The following TET2 variants were observed in gnomAD, a reference collection of about 807,000 sequenced individuals.
TET2 encodes the protein methylcytosine dioxygenase TET2.
A neutral mutation model predicts 142.9 loss-of-function variants in TET2; 299 were observed. The observed-to-expected ratio is 2.09, with a 90% CI of 1.90 to 2.30. The LOEUF is 2.30. TET2 is among the 30% of genes most tolerant of loss of function. The pLI, the probability that TET2 is intolerant of heterozygous loss-of-function variation, is 0.00. For synonymous variants in TET2, 819 were observed against 849.0 expected (o/e 0.96, Z 0.61); for missense variants, 2,418 against 2,378.0 (o/e 1.02, Z -0.35).
At chr4:105,259,533 A>G in intron 6 of TET2, 86 bp from the exon 7 acceptor site, 1 of 1,320,980 alleles carries the variant, frequency 7.6e-7, no homozygotes, top group South Asian at 1.7e-5. Flanking sequence ...TTTCAAACTC[A>G]TTTTGCATAT....
intron 2 of TET2, among the ~76,000 whole-genome samples, chr4:105,209,039 T>TCAAGG (rs1726988667): frequency 9.1e-6 from 1 of 110,432 alleles, no homozygotes; most frequent in Non-Finnish European, 1.9e-5. Context: ...AATAGATGCC[T>TCAAGG]CAAGGCATGG....
chr4:105,273,695 T>G (rs1731069819), intron 10 of TET2, among the ~76,000 whole-genome samples: 1 of 152,306 alleles, frequency 6.6e-6, no homozygotes, highest in East Asian at 1.9e-4. Flanking sequence ...TAAGTAAGTT[T>G]GAAAATATGA....
chr4:105,205,208 T>C (rs1386569972), intron 2 of TET2, among the ~76,000 whole-genome samples: 1 of 152,208 alleles, frequency 6.6e-6, no homozygotes, highest in Non-Finnish European at 1.5e-5. Flanking sequence ...TCTCAACTTA[T>C]TCTCCACTTG....
At position 105,259,697 on chromosome 4, in the gene TET2, C is replaced by G. The variant is rs1273791191; in HGVS notation, c.3882C>G (p.Tyr1294Ter). ...CTTTTGGTTGTTCATGGAGCATGTA[C>G]TACAATGGATGTAAGTTTGCCAGAA... is the stretch of plus-strand genomic sequence containing the variant. ...SFSFGCSWSM[Y>*]YNGCKFARSK... is the part of the protein sequence containing the mutation. Residue 1294 changes from tyrosine (Y) to a stop codon, truncating the protein, a stop_gained, in exon 7 of 11, where the codon TAC becomes TAG. Transcript: ENST00000380013. LOFTEE classifies it high-confidence loss of function. 2 of 1,551,186 alleles carry G rather than the reference C, an allele frequency of 1.3e-6. No homozygotes were observed. Among genetic ancestry groups the G allele is most frequent in the Non-Finnish European group, 1.7e-6 (2 of 1,146,636 alleles).
chr4:105,248,905 ATGTATT>A (rs1729718038), intron 6 of TET2, among the ~76,000 whole-genome samples: 1 of 151,430 alleles, frequency 6.6e-6, no homozygotes, highest in Non-Finnish European at 1.5e-5. Context: ...TAGTGAAATC[ATGTATT>A]TGGCCTTTCT....
At chr4:105,226,550 C>T (rs150833617) in intron 2 of TET2, among the ~76,000 whole-genome samples, 23 of 152,016 alleles carry the variant, frequency 1.5e-4, no homozygotes, top group Non-Finnish European at 2.5e-4. Flanking sequence ...ATAGTGAGTT[C>T]TCAAGAGATC....
chr4:105,210,324 C>T (rs952645026), intron 2 of TET2, among the ~76,000 whole-genome samples: 3 of 152,130 alleles, frequency 2.0e-5, no homozygotes, highest in African/African-American at 4.8e-5. Flanking sequence ...TCTTGGGTCA[C>T]CTTGTTGACT....
chr4:105,243,763 G>T lies in TET2; in HGVS notation c.3788G>T (p.Cys1263Phe), dbSNP rs1360210418. Residue 1263 changes from cysteine (C) to phenylalanine (F), a missense_variant, in exon 6 of 11, where the codon TGT (cysteine) becomes TTT (phenylalanine). Coordinates refer to ENST00000380013, the MANE Select transcript of TET2 (RefSeq NM_001127208.3). ...RKYGTLTNRRCALNEERTCAC... is the reference protein window; with the variant it reads ...RKYGTLTNRRFALNEERTCAC... ...TACGGCACGCTCACCAATCGCCGGT[G>T]TGCCTTGAATGAAGAGTAAGTGAAG... The T allele has an allele frequency of 6.4e-7, 1 of 1,551,338 alleles. No individual in the cohort carries two copies. The highest frequency in any genetic ancestry group is 8.7e-7 in the Non-Finnish European group (1 of 1,146,876).
At chr4:105,167,513 ATATG>A (rs1724223910) in intron 1 of TET2, among the ~76,000 whole-genome samples, 1 of 152,158 alleles carries the variant, frequency 6.6e-6, no homozygotes, top group Non-Finnish European at 1.5e-5. Flanking sequence ...CAAAGAAAAA[ATATG>A]TATATAATAG....
chr4:105,227,898 T>A (rs1432541722), intron 2 of TET2, among the ~76,000 whole-genome samples: 5 of 152,192 alleles, frequency 3.3e-5, no homozygotes, highest in African/African-American at 1.2e-4. Flanking sequence ...AAGATTTTTT[T>A]ATCTTACGCA....
At chr4:105,267,582 C>G (rs1344771800) in intron 8 of TET2, among the ~76,000 whole-genome samples, 1 of 131,614 alleles carries the variant, frequency 7.6e-6, no homozygotes, top group Non-Finnish European at 1.7e-5. Flanking sequence ...CCAGTAAAGA[C>G]AGAAAAATGA....
intron 2 of TET2, among the ~76,000 whole-genome samples, chr4:105,213,429 G>A (rs981714019): frequency 2.0e-5 from 3 of 152,210 alleles, no homozygotes; most frequent in African/African-American, 4.8e-5. Flanking sequence ...TTCAAAGCTT[G>A]TAATGATCGT....
chr4:105,172,729 G>C (rs1724545966), intron 1 of TET2, among the ~76,000 whole-genome samples: 1 of 152,150 alleles, frequency 6.6e-6, no homozygotes, highest in Non-Finnish European at 1.5e-5. Context: ...AAGGTTTCTT[G>C]CAGATTGTTT....
intron 6 of TET2, among the ~76,000 whole-genome samples, chr4:105,257,654 G>A (rs1026458004): frequency 6.6e-6 from 1 of 152,114 alleles, no homozygotes; most frequent in African/African-American, 2.4e-5. Flanking sequence ...TCTTTTGTGG[G>A]CCCTACAGTT....
Position 105,272,905 on chromosome 4 carries a change from T to C in TET2, c.4524T>C (p.Ala1508=). Residue 1508 remains alanine, a synonymous_variant, in exon 10 of 11, where the codon GCT becomes GCC. Coordinates refer to ENST00000380013, the MANE Select transcript of TET2 (RefSeq NM_001127208.3). The part of the protein sequence containing the change: ...RTKQTENASQ[A]KQLAELLRLS... ...AACAAACTGAAAACGCAAGCCAGGCTAAACAGTTGGCAGGTAAATTTAATG... is the reference window on the plus strand; with the variant it reads ...AACAAACTGAAAACGCAAGCCAGGCCAAACAGTTGGCAGGTAAATTTAATG... 6.5e-7 allele frequency: 1 copy of C among 1,532,158 alleles called. No individual in the cohort carries two copies. The highest frequency in any genetic ancestry group is 2.5e-5 in the East Asian group (1 of 40,748). 94.9% of individuals were successfully genotyped at this position (1,532,158 alleles called of 1,614,324 possible).
chr4:105,234,538 T>TA lies in TET2; in HGVS notation c.597dup (p.Leu200ThrfsTer2). 1 of 1,614,152 alleles carries TA rather than the reference T, an allele frequency of 6.2e-7. No homozygotes were observed. On this transcript the variant is annotated frameshift_variant, in exon 3 of 11. Coordinates refer to ENST00000380013, the MANE Select transcript of TET2 (RefSeq NM_001127208.3). LOFTEE classifies it high-confidence loss of function. ...AATTACCATGACAAGAACATTGTAT[T>TA]ACTTAAAAACAAGGCAGTGCTAATG...
intron 6 of TET2, among the ~76,000 whole-genome samples, chr4:105,245,348 T>A (rs1051600447): frequency 1.3e-5 from 2 of 151,680 alleles, no homozygotes; most frequent in African/African-American, 2.4e-5. Context: ...TTTTTTTTTT[T>A]AAGACAGAGT....
Position 105,235,051 on chromosome 4 carries a change from A to G in TET2, c.1109A>G (p.Tyr370Cys). 1 of 1,614,100 alleles carries G rather than the reference A, an allele frequency of 6.2e-7. No individual in the cohort carries two copies. Among genetic ancestry groups the G allele is most frequent in the Non-Finnish European group, 8.5e-7 (1 of 1,180,000 alleles). ...LQAPGGSSER[Y>C]LKQNEMNGAY... ...GCTCCTGGTGGCAGCTCTGAACGGT[A>G]TTTAAAACAAAATGAAATGAATGGT... Residue 370 changes from tyrosine (Y) to cysteine (C), a missense_variant, in exon 3 of 11, where the codon TAT (tyrosine) becomes TGT (cysteine). Coordinates refer to ENST00000380013, the MANE Select transcript of TET2 (RefSeq NM_001127208.3).
rs533449541 is a variant in TET2 at position 105,234,767 on chromosome 4, T to G, written c.825T>G (p.Asn275Lys). The stretch of plus-strand genomic sequence containing the variant: ...CATCGCATACCTCAGGGCAGATCAA[T>G]TCCGCACAGACCTCTAACTCTGAGC... ...THPSHTSGQI[N>K]SAQTSNSELP... is the part of the protein sequence containing the mutation. The change falls in exon 3 of 11, where the codon AAT becomes AAG. Residue 275 changes from asparagine (N) to lysine (K), a missense_variant. Transcript: ENST00000380013. 22 of 1,613,982 alleles carry G rather than the reference T, an allele frequency of 1.4e-5. No homozygotes were observed. In the Admixed American group the frequency reaches 3.5e-4, roughly 26 times the overall value.
Sources: gnomAD v4.1 joint callset for allele counts (sites outside exome capture counted in the v4.1 genomes callset) on GRCh38, gnomAD v4.1.1 for gene constraint, MANE v1.5 for transcripts, NCBI Gene and HGNC (gene_info 2026-07-23, HGNC 2026-07-21) for gene names.